The following EIF4A2 variants were observed in gnomAD, a reference collection of about 807,000 sequenced individuals.
The protein encoded by EIF4A2 is eukaryotic initiation factor 4A-II.
A neutral mutation model predicts 50.6 loss-of-function variants in EIF4A2; 9 were observed. The ratio of observed to expected loss-of-function variants is 0.18; its 90% CI spans 0.11 to 0.31. EIF4A2 has a LOEUF of 0.31. EIF4A2 is among the 10% of genes least tolerant of loss of function. The pLI is 1.00. For synonymous variants in EIF4A2, 215 were observed against 164.4 expected, an observed-to-expected ratio of 1.31 and a Z score of -2.35; for missense variants, 182 against 501.8, an observed-to-expected ratio of 0.36 and a Z score of 6.09.
intron 10 of EIF4A2, chr3:186,788,314 C>T (rs753751129): frequency 7.8e-6 from 10 of 1,289,388 alleles, no homozygotes; most frequent in South Asian, 2.5e-5. Context: ...ATACAGGAGT[C>T]GATAGCAGCA....
rs774977468 is a variant in EIF4A2 at position 186,783,602 on chromosome 3, T to A, written c.-9T>A. 2 of 1,614,002 alleles carry A rather than the reference T, an allele frequency of 1.2e-6. No individual in the cohort carries two copies. Among genetic ancestry groups the A allele is most frequent in the Non-Finnish European group, 1.7e-6 (2 of 1,180,030 alleles). ...CTTTTCAGTCGGGCGCTGAGTGGTT[T>A]TTCGGATCATGTCTGGTGGCTCCGC... On this transcript the variant is annotated 5_prime_UTR_variant, in exon 1 of 11. Transcript: ENST00000323963.
In EIF4A2 at chr3:186,783,645, C is replaced by A; in HGVS notation, c.29+6C>A. Reference sequence around the variant, plus strand: ...GGCTCCGCGGATTATAACAGGTATGCAGTCTGTTGGCGGTCGCGGTCTGTA... The same window carrying A: ...GGCTCCGCGGATTATAACAGGTATGAAGTCTGTTGGCGGTCGCGGTCTGTA... On this transcript the variant is annotated splice_donor_region_variant and intron_variant, in intron 1 of 10. Coordinates refer to ENST00000323963, the MANE Select transcript of EIF4A2 (RefSeq NM_001967.4). 2 of 1,614,118 alleles carry A rather than the reference C, an allele frequency of 1.2e-6. No individual in the cohort carries two copies. Among genetic ancestry groups the A allele is most frequent in the East Asian group, 4.5e-5 (2 of 44,888 alleles).
At chr3:186,784,329 A>G in intron 1 of EIF4A2, 103 bp from the exon 2 acceptor site, 1 of 1,535,028 alleles carries the variant, frequency 6.5e-7, no homozygotes, top group Non-Finnish European at 9.0e-7. Flanking sequence ...TAGCTTGTGC[A>G]GGGGAGGCTA....
Position 186,784,493 on chromosome 3 carries a change from G to A in EIF4A2, c.75+16G>A, listed in dbSNP as rs1721575017. The A allele has an allele frequency of 6.2e-7, 1 of 1,614,054 alleles. No individual in the cohort carries two copies. Among genetic ancestry groups the A allele is most frequent in the Non-Finnish European group, 8.5e-7 (1 of 1,180,036 alleles). On this transcript the variant is annotated intron_variant, in intron 2 of 10. Coordinates refer to ENST00000323963, the MANE Select transcript of EIF4A2 (RefSeq NM_001967.4). ...TGTCATCGAGGTAAGAAACGGTTGT[G>A]GATCTTGAAGCTTTGGAAAGGTGAG...
Position 186,788,535 on chromosome 3 carries a change from T to C in EIF4A2, c.1080-590T>C, listed in dbSNP as rs1279860507. 3 of 864,258 alleles carry C rather than the reference T, an allele frequency of 3.5e-6. No homozygotes were observed. In the Admixed American group the frequency reaches 1.2e-4, roughly 34 times the overall value. 53.5% of individuals were successfully genotyped at this position (864,258 alleles called of 1,614,324 possible). A position where few individuals can be genotyped will look rare whatever the true frequency, so the allele number is the denominator to read the frequency against. ...GGAACCTTTCTTATTAGGTGGTTTG[T>C]ATTGTCTGGTTTCTAACATGCAGGT... On this transcript the variant is annotated intron_variant, in intron 10 of 10. Coordinates refer to ENST00000323963, the MANE Select transcript of EIF4A2 (RefSeq NM_001967.4).
In EIF4A2 at chr3:186,786,397, C is replaced by CT. The variant is rs1721712236; in HGVS notation, c.628-104dup. 7 of 1,539,110 alleles carry CT rather than the reference C, an allele frequency of 4.5e-6. No homozygotes were observed. In the East Asian group the frequency reaches 1.1e-4, roughly 25 times the overall value. On this transcript the variant is annotated intron_variant, in intron 6 of 10. Coordinates refer to ENST00000323963, the MANE Select transcript of EIF4A2 (RefSeq NM_001967.4). Reference sequence around the variant, plus strand: ...TGCTTAAAGCACTTGATGCATAACTCTGTCTACCTTCATTCCGTAGTAAGA... The same window carrying CT: ...TGCTTAAAGCACTTGATGCATAACTCTTGTCTACCTTCATTCCGTAGTAAGA...
At chr3:186,784,840 A>T in intron 3 of EIF4A2, 122 bp from the exon 4 acceptor site, 1 of 1,596,612 alleles carries the variant, frequency 6.3e-7, no homozygotes, top group Non-Finnish European at 8.6e-7. Flanking sequence ...CCTGAAATGA[A>T]GAGAATACTC....
At chr3:186,785,244 T>G (rs1721621600) in intron 4 of EIF4A2, 143 bp downstream of exon 4, 20 of 1,286,116 alleles carry the variant, frequency 1.6e-5, no homozygotes, top group Non-Finnish European at 2.1e-5. Flanking sequence ...GAGTTTTTGT[T>G]GAAAGTTTTA....
intron 1 of EIF4A2, chr3:186,784,199 C>G (rs568335442): frequency 1.7e-6 from 1 of 598,304 alleles, no homozygotes; most frequent in South Asian, 2.1e-5. Context: ...GCGAGACGCT[C>G]CGCAGTTGAA....
chr3:186,786,753 A>T (rs1156807363), intron 7 of EIF4A2, 108 bp downstream of exon 7: 1 of 1,446,932 alleles, frequency 6.9e-7, no homozygotes, highest in Non-Finnish European at 9.7e-7. Flanking sequence ...CTAGCAGAGT[A>T]CACACAAGAA....
At position 186,787,633 on chromosome 3, in the gene EIF4A2, G is replaced by T. The variant is rs545310899; in HGVS notation, c.999+49G>T. ...AAATCTACCAAAAGTTAGCTTTTTG[G>T]GGGGCAGGTTTTTAAGTAACCTTTG... On this transcript the variant is annotated intron_variant, in intron 9 of 10. Coordinates refer to ENST00000323963, the MANE Select transcript of EIF4A2 (RefSeq NM_001967.4). 3.0e-5 allele frequency: 49 copies of T among 1,611,290 alleles called. No individual in the cohort carries two copies. The Admixed American group carries it at 5.8e-4, about 19-fold the overall frequency.
At position 186,783,582 on chromosome 3, in the gene EIF4A2, C is replaced by G. The variant is rs200188970; in HGVS notation, c.-29C>G. On this transcript the variant is annotated 5_prime_UTR_variant, in exon 1 of 11. Transcript: ENST00000323963. ...GGGTGGTTGGGCGCCGCTGTCTTTT[C>G]AGTCGGGCGCTGAGTGGTTTTTCGG... 33 of 1,614,020 alleles carry G rather than the reference C, an allele frequency of 2.0e-5. 1 individual carries two copies. In the South Asian group the frequency reaches 3.0e-4, roughly 14 times the overall value.
At chr3:186,784,295 A>G in intron 1 of EIF4A2, 137 bp from the exon 2 acceptor site, 2 of 1,270,840 alleles carry the variant, frequency 1.6e-6, no homozygotes, top group Non-Finnish European at 2.2e-6. Flanking sequence ...CACAGTGTGG[A>G]TATTCGCCCT....
At chr3:186,784,099 C>G in intron 1 of EIF4A2, 1 of 476,862 alleles carries the variant, frequency 2.1e-6, no homozygotes, top group Non-Finnish European at 3.8e-6. Flanking sequence ...GCCGGTGAAC[C>G]GTTGGCATCG....
chr3:186,787,015 C>T, intron 7 of EIF4A2, 112 bp from the exon 8 acceptor site: 1 of 1,463,636 alleles, frequency 6.8e-7, no homozygotes, highest in Non-Finnish European at 9.4e-7. Flanking sequence ...GTGCTAGGAT[C>T]CCAAAGGGCT....
rs1722011934 is a variant in EIF4A2 at position 186,789,851 on chromosome 3, G to T, written c.*582G>T. On this transcript the variant is annotated 3_prime_UTR_variant, in exon 11 of 11. Coordinates refer to ENST00000323963, the MANE Select transcript of EIF4A2 (RefSeq NM_001967.4). ...CCAGTAAAATTGCCATATTGCACAT[G>T]TCTTAATGAAGTTTGAATGTTAAAT... 1 of 726,804 alleles carries T rather than the reference G, an allele frequency of 1.4e-6. No individual in the cohort carries two copies. The highest frequency in any genetic ancestry group is 2.3e-6 in the Non-Finnish European group (1 of 440,426). 45.0% of individuals were successfully genotyped at this position (726,804 alleles called of 1,614,324 possible). A position where few individuals can be genotyped will look rare whatever the true frequency, so the allele number is the denominator to read the frequency against.
In EIF4A2 at chr3:186,783,709, G is replaced by A. The variant is rs1405060006; in HGVS notation, c.29+70G>A. 3.1e-6 allele frequency: 5 copies of A among 1,611,280 alleles called. No individual in the cohort carries two copies. In the South Asian group the frequency reaches 5.5e-5, roughly 18 times the overall value. Reference sequence around the variant, plus strand: ...GGCGCCAGGGGAGATGATAGTGGATGGCACGGAGGCAAAAACTCTAAATTA... The same window carrying A: ...GGCGCCAGGGGAGATGATAGTGGATAGCACGGAGGCAAAAACTCTAAATTA... On this transcript the variant is annotated intron_variant, in intron 1 of 10. Transcript: ENST00000323963.
At chr3:186,784,394 C>A (rs763582290) in intron 1 of EIF4A2, 38 bp from the exon 2 acceptor site, 2 of 1,614,088 alleles carry the variant, frequency 1.2e-6, no homozygotes, top group East Asian at 4.5e-5. Context: ...TTGAGGTGGC[C>A]TGGAAGGGGT....
chr3:186,787,445 A>G (rs1169125650), intron 8 of EIF4A2, 50 bp from the exon 9 acceptor site: 2 of 1,612,026 alleles, frequency 1.2e-6, no homozygotes, highest in Non-Finnish European at 1.7e-6. Context: ...GATTAAAATT[A>G]AATACCGACC....
Sources: allele counts gnomAD v4.1 joint callset, GRCh38; gene constraint gnomAD v4.1.1; transcripts MANE v1.5; gene names NCBI Gene and HGNC (gene_info 2026-07-23, HGNC 2026-07-21).